The following DDX41 variants were observed in gnomAD, a reference collection of about 807,000 sequenced individuals.
DDX41 encodes the protein DEAD-box helicase 41, also known as probable ATP-dependent RNA helicase DDX41.
DDX41 carries 50 observed loss-of-function variants against 78.8 expected under a neutral mutation model. That is an observed-to-expected ratio of 0.63 (90% CI 0.51 to 0.80). The LOEUF is 0.80. Ranked by LOEUF, DDX41 falls within the 30% of genes least tolerant of loss-of-function variation. The probability of loss-of-function intolerance (pLI) is 0.00; values close to 1 mark genes in which losing one functional copy is unlikely to be tolerated. For synonymous variants in DDX41, 381 were observed against 321.5 expected (o/e 1.19, Z -1.98); for missense variants, 633 against 849.2 (o/e 0.75, Z 3.16).
At position 177,511,856 on chromosome 5, in the gene DDX41, G is replaced by C; in HGVS notation, c.1804C>G (p.Gln602Glu). ...CCGATGTTGCTGACCTGCTTGGTCT[G>C]CATAGCCTCGAGTTTGGGGCAGTCA... The part of the protein sequence containing the change: ...ITDCPKLEAM[Q>E]TKQVSNIGRK... Residue 602 changes from glutamine to glutamate, a missense_variant, in exon 17 of 17, where the codon CAG becomes GAG. This residue lies in a region of DDX41 where 185 missense variants were observed against 367.4 expected (regional missense o/e 0.50). Transcript: ENST00000330503. The C allele has an allele frequency of 6.2e-7, 1 of 1,614,172 alleles. No individual in the cohort carries two copies.
Position 177,513,941 on chromosome 5 carries a change from CTCCT to C in DDX41, c.936-98_936-95del, listed in dbSNP as rs1406641552. ...CCCTGCATCTGCTCTGCTCTCTGTCCTCCTTCCTATTTCTTTGTCTGTCCCCTTC... is the reference window on the plus strand; with the variant it reads ...CCCTGCATCTGCTCTGCTCTCTGTCCTCCTATTTCTTTGTCTGTCCCCTTC... On this transcript the variant is annotated intron_variant, in intron 9 of 16. Coordinates refer to ENST00000330503, the MANE Select transcript of DDX41 (RefSeq NM_016222.4). This position sits in a 1 kb window ranked among gnomAD's most constrained non-coding sequence, Gnocchi z 4.6. 7.1e-6 allele frequency: 9 copies of C among 1,266,958 alleles called. No homozygotes were observed. Among genetic ancestry groups the C allele is most frequent in the Non-Finnish European group, 1.0e-5 (9 of 886,730 alleles). 78.5% of individuals were successfully genotyped at this position (1,266,958 alleles called of 1,614,324 possible). A position where few individuals can be genotyped will look rare whatever the true frequency, so the allele number is the denominator to read the frequency against.
intron 2 of DDX41, 69 bp from the exon 3 acceptor site, chr5:177,516,516 G>A: frequency 3.2e-6 from 5 of 1,582,684 alleles, no homozygotes; most frequent in Non-Finnish European, 4.3e-6. Context: ...CAGGATCCTG[G>A]CTTTGGGGCG....
rs1760966424 is a variant in DDX41 at position 177,511,940 on chromosome 5, G to A, written c.1733-13C>T. 1.2e-6 allele frequency: 2 copies of A among 1,613,254 alleles called. No homozygotes were observed. The highest frequency in any genetic ancestry group is 1.7e-5 in the Admixed American group (1 of 60,000). On this transcript the variant is annotated splice_polypyrimidine_tract_variant and intron_variant, in intron 16 of 16. Transcript: ENST00000330503. Reference sequence around the variant, plus strand: ...CAGCCGCGCTCTCCTGGGGGAATGGGGACAGGGGTCAGCCAAGTCAAGGAC... The same window carrying A: ...CAGCCGCGCTCTCCTGGGGGAATGGAGACAGGGGTCAGCCAAGTCAAGGAC...
rs759692436 is a variant in DDX41 at position 177,512,869 on chromosome 5, A to G, written c.1310T>C (p.Ile437Thr). 2 of 1,613,942 alleles carry G rather than the reference A, an allele frequency of 1.2e-6. No homozygotes were observed. Among genetic ancestry groups the G allele is most frequent in the South Asian group, 2.2e-5 (2 of 91,074 alleles). ...CLQKTPPPVL[I>T]FAEKKADVDA... ...CACGTCTGCCTTCTTCTCTGCAAAG[A>G]TGAGTACCTGTCCGGAAAGACCAAC... The change falls in exon 13 of 17, where the codon ATC becomes ACC. Residue 437 changes from isoleucine (I) to threonine (T), a missense_variant. Around this residue, in one of 6 missense-constraint regions of DDX41, gnomAD observed 185 missense variants for 367.4 expected, o/e 0.50. Coordinates refer to ENST00000330503, the MANE Select transcript of DDX41 (RefSeq NM_016222.4).
At chr5:177,516,225 T>C (rs1361426203) in intron 3 of DDX41, 32 bp from the exon 4 acceptor site, 1 of 1,614,150 alleles carries the variant, frequency 6.2e-7, no homozygotes, top group Non-Finnish European at 8.5e-7. Flanking sequence ...GTCAGACAGA[T>C]ACCAAAACGG....
chr5:177,513,544 C>G lies in DDX41; in HGVS notation c.1099-60G>C. 1 of 1,612,366 alleles carries G rather than the reference C, an allele frequency of 6.2e-7. No individual in the cohort carries two copies. Among genetic ancestry groups the G allele is most frequent in the South Asian group, 1.1e-5 (1 of 90,950 alleles). On this transcript the variant is annotated intron_variant, in intron 10 of 16. Transcript: ENST00000330503. The surrounding 1 kb of genome is among the most constrained non-coding windows in gnomAD (Gnocchi z 4.6). ...AGGGCTGGGCTGAGGGGCATGGGGTCTGGGGAAGCTGAGCAACTGAGACAC... is the reference window on the plus strand; with the variant it reads ...AGGGCTGGGCTGAGGGGCATGGGGTGTGGGGAAGCTGAGCAACTGAGACAC...
chr5:177,511,797 G>C lies in DDX41; in HGVS notation c.1863C>G (p.Asp621Glu). The C allele has an allele frequency of 6.2e-7, 1 of 1,614,130 alleles. No individual in the cohort carries two copies. Among genetic ancestry groups the C allele is most frequent in the Non-Finnish European group, 8.5e-7 (1 of 1,180,002 alleles). Reference sequence around the variant, plus strand: ...AGAAGGGAAGACTGTCGGCTCAGAAGTCCATGGAGCTGTGGGCCAGGTAGT... The same window carrying C: ...AGAAGGGAAGACTGTCGGCTCAGAACTCCATGGAGCTGTGGGCCAGGTAGT... Reference protein sequence around the residue: ...RKDYLAHSSMDF With the variant: ...RKDYLAHSSMEF Residue 621 changes from aspartate (D) to glutamate (E), a missense_variant, in exon 17 of 17, where the codon GAC (aspartate) becomes GAG (glutamate). By Grantham distance (45) the Asp-to-Glu change is conservative. Transcript: ENST00000330503.
chr5:177,513,477 C>T lies in DDX41; in HGVS notation c.1106G>A (p.Arg369Gln), dbSNP rs1761077648. ...RTIFSYFKGQ[R>Q]QTLLFSATMP... ...GGTGGCACTGAAGAGCAGGGTCTGT[C>T]GCTGGCCCTGAGGAAGAGGGGGGCT... Residue 369 changes from arginine (R) to glutamine (Q), a missense_variant, in exon 11 of 17, where the codon CGA (arginine) becomes CAA (glutamine). By Grantham distance (43) the Arg-to-Gln change is conservative. This residue lies in a region of DDX41 where 185 missense variants were observed against 367.4 expected (regional missense o/e 0.50). Coordinates refer to ENST00000330503, the MANE Select transcript of DDX41 (RefSeq NM_016222.4). This position sits in a 1 kb window ranked among gnomAD's most constrained non-coding sequence, Gnocchi z 4.6. The T allele has an allele frequency of 1.2e-6, 2 of 1,614,134 alleles. No homozygotes were observed. The highest frequency in any genetic ancestry group is 1.1e-5 in the South Asian group (1 of 91,078).
chr5:177,513,680 G>A lies in DDX41; in HGVS notation c.1098+5C>T, dbSNP rs1000656772. The A allele has an allele frequency of 5.6e-6, 9 of 1,613,024 alleles. No homozygotes were observed. Among genetic ancestry groups the A allele is most frequent in the Middle Eastern group, 1.6e-4 (1 of 6,084 alleles). ...CAGGGTGCCCTGGCCGGGCGGGGGCGGCACCTTGAAGTAGGAGAAGATGGT... is the reference window on the plus strand; with the variant it reads ...CAGGGTGCCCTGGCCGGGCGGGGGCAGCACCTTGAAGTAGGAGAAGATGGT... On this transcript the variant is annotated splice_donor_5th_base_variant and intron_variant, in intron 10 of 16. Transcript: ENST00000330503. This position sits in a 1 kb window ranked among gnomAD's most constrained non-coding sequence, Gnocchi z 4.6.
chr5:177,514,652 A>G lies in DDX41; in HGVS notation c.935+49T>C. The stretch of plus-strand genomic sequence containing the variant: ...AGGTAAAGGGTCCTTTAGCTTTTCC[A>G]CAGACTCGCAGGTGGCAGAGGTGGG... On this transcript the variant is annotated intron_variant, in intron 9 of 16. Transcript: ENST00000330503. This position sits in a 1 kb window ranked among gnomAD's most constrained non-coding sequence, Gnocchi z 4.2. 1 of 1,577,676 alleles carries G rather than the reference A, an allele frequency of 6.3e-7. No individual in the cohort carries two copies. The highest frequency in any genetic ancestry group is 8.6e-7 in the Non-Finnish European group (1 of 1,160,526).
rs776159825 is a variant in DDX41, at chr5:177,515,682, T to C, written c.571+3A>G. 7.4e-6 allele frequency: 12 copies of C among 1,613,858 alleles called. No homozygotes were observed. The Admixed American group carries it at 1.0e-4, about 13-fold the overall frequency. ...GTGGTATCTCTCTCCAGCCCCTGAC[T>C]ACCTGCAGGAAACTTCATTTCCTTG... On this transcript the variant is annotated splice_donor_region_variant and intron_variant, in intron 6 of 16. Coordinates refer to ENST00000330503, the MANE Select transcript of DDX41 (RefSeq NM_016222.4).
rs888808793 is a variant in DDX41, at chr5:177,511,994, C to G, written c.1733-67G>C. 5 of 1,606,274 alleles carry G rather than the reference C, an allele frequency of 3.1e-6. No individual in the cohort carries two copies. The African/African-American group carries it at 4.0e-5, about 13-fold the overall frequency. Reference sequence around the variant, plus strand: ...GATCCATGCCCTGGACTTCGGGCCCCCCGTTAGGCACCCTCGGTCCACCGG... The same window carrying G: ...GATCCATGCCCTGGACTTCGGGCCCGCCGTTAGGCACCCTCGGTCCACCGG... On this transcript the variant is annotated intron_variant, in intron 16 of 16. Coordinates refer to ENST00000330503, the MANE Select transcript of DDX41 (RefSeq NM_016222.4).
At position 177,514,994 on chromosome 5, in the gene DDX41, G is replaced by GC; in HGVS notation, c.719_720insG (p.Ile240MetfsTer108). 1 of 1,613,886 alleles carries GC rather than the reference G, an allele frequency of 6.2e-7. No individual in the cohort carries two copies. Among genetic ancestry groups the GC allele is most frequent in the Non-Finnish European group, 8.5e-7 (1 of 1,179,922 alleles). ...TCTTCTCTTGTTCCAGGCAGAACAT[G>GC]ATGACGGGCAACGTGAACACCAGTG... On this transcript the variant is annotated frameshift_variant, in exon 8 of 17. Coordinates refer to ENST00000330503, the MANE Select transcript of DDX41 (RefSeq NM_016222.4). LOFTEE classifies it high-confidence loss of function. The surrounding 1 kb of genome is among the most constrained non-coding windows in gnomAD (Gnocchi z 4.2).
chr5:177,513,472 T>A lies in DDX41; in HGVS notation c.1111A>T (p.Thr371Ser), dbSNP rs1264711183. 2 of 1,614,136 alleles carry A rather than the reference T, an allele frequency of 1.2e-6. No homozygotes were observed. Among genetic ancestry groups the A allele is most frequent in the South Asian group, 2.2e-5 (2 of 91,084 alleles). ...IFSYFKGQRQ[T>S]LLFSATMPKK... ...GGCATGGTGGCACTGAAGAGCAGGG[T>A]CTGTCGCTGGCCCTGAGGAAGAGGG... Residue 371 changes from threonine (T) to serine (S), a missense_variant, in exon 11 of 17, where the codon ACC becomes TCC. Thr to Ser is a moderately conservative substitution (Grantham distance 58, BLOSUM62 1). Transcript: ENST00000330503. This position sits in a 1 kb window ranked among gnomAD's most constrained non-coding sequence, Gnocchi z 4.6.
In DDX41 at chr5:177,513,587, C is replaced by A. The variant is rs1462600807; in HGVS notation, c.1098+98G>T. On this transcript the variant is annotated intron_variant, in intron 10 of 16. Transcript: ENST00000330503. This position sits in a 1 kb window ranked among gnomAD's most constrained non-coding sequence, Gnocchi z 4.6. ...TGAGACACAGCCCACAAAGTATGAG[C>A]AGTGGGTTGGGGTGGCCAGGGGCAT... The A allele has an allele frequency of 3.7e-6, 6 of 1,603,342 alleles. No homozygotes were observed. Among genetic ancestry groups the A allele is most frequent in the Non-Finnish European group, 5.1e-6 (6 of 1,172,406 alleles).
At chr5:177,515,624 G>C (rs1003680091) in intron 6 of DDX41, 61 bp downstream of exon 6, 6 of 1,590,886 alleles carry the variant, frequency 3.8e-6, no homozygotes, top group African/African-American at 1.3e-5. Flanking sequence ...TGGGAGCCAG[G>C]ACATAACCTC....
chr5:177,515,602 G>T, intron 6 of DDX41, 83 bp downstream of exon 6: 1 of 1,539,606 alleles, frequency 6.5e-7, no homozygotes, highest in Non-Finnish European at 8.9e-7. Context: ...ATGCAGATGT[G>T]GCTGAGCTCA....
At chr5:177,515,363 T>C (rs1554111562) in intron 6 of DDX41, 105 bp from the exon 7 acceptor site, 3 of 1,161,708 alleles carry the variant, frequency 2.6e-6, no homozygotes, top group African/African-American at 1.5e-5. Context: ...ATGATGAAAC[T>C]GAGGCTCAGA....
chr5:177,516,665 G>A, intron 2 of DDX41, 60 bp downstream of exon 2: 7 of 1,520,228 alleles, frequency 4.6e-6, no homozygotes, highest in Admixed American at 2.0e-5. Context: ...CCGAGGCCAC[G>A]CCCGCCCCCT....
Sources: gnomAD v4.1 joint callset for allele counts on GRCh38, gnomAD v4.1.1 for gene constraint, gnomAD v4.1.1 regional missense constraint, Gnocchi (gnomAD v3.1) non-coding constraint, MANE v1.5 for transcripts, NCBI Gene and HGNC (gene_info 2026-07-23, HGNC 2026-07-21) for gene names.